TMEM108: variants seen among roughly 807,000 people sequenced by gnomAD.
TMEM108 encodes the protein cancer/testis antigen 124.
In TMEM108, 12 loss-of-function variants were observed where a neutral mutation model predicts 35.1. The ratio of observed to expected loss-of-function variants is 0.34; its 90% CI spans 0.22 to 0.55. TMEM108 has a LOEUF of 0.55. TMEM108 is among the 20% of genes least tolerant of loss of function. TMEM108 has a pLI of 0.89. For synonymous variants in TMEM108, 287 were observed against 308.6 expected (o/e 0.93, Z 0.73); for missense variants, 680 against 753.3 (o/e 0.90, Z 1.14).
intron 2 of TMEM108, among the ~76,000 whole-genome samples, chr3:133,126,568 T>C (rs79380341): frequency 0.013 from 1,939 of 151,310 alleles, 21 homozygotes; most frequent in Non-Finnish European, 0.021. Flanking sequence ...AAACCTCAAG[T>C]ATGAGCTTTA....
rs1576532411 is a variant in TMEM108, at chr3:133,380,489, A to T, written c.778A>T (p.Ser260Cys). The T allele has an allele frequency of 6.2e-7, 1 of 1,613,916 alleles. No individual in the cohort carries two copies. The highest frequency in any genetic ancestry group is 2.2e-5 in the East Asian group (1 of 44,876). Residue 260 changes from serine to cysteine, a missense_variant, in exon 4 of 6, where the codon AGC becomes TGC. By Grantham distance (112) the Ser-to-Cys change is moderately radical (BLOSUM62 -1). Transcript: ENST00000321871. This position sits in a 1 kb window ranked among gnomAD's most constrained non-coding sequence, Gnocchi z 5.3. The stretch of plus-strand genomic sequence containing the variant: ...GACAGTGGCTGCGACCACAGTGCCC[A>T]GCAATACCTCATGGGCACCCACCAC... ...PQTVAATTVP[S>C]NTSWAPTTTS...
intron 2 of TMEM108, among the ~76,000 whole-genome samples, chr3:133,095,900 T>C (rs1226600900): frequency 6.6e-6 from 1 of 152,192 alleles, no homozygotes; most frequent in Non-Finnish European, 1.5e-5. Flanking sequence ...ACCCCTGCCA[T>C]AGAACACTTA....
intron 3 of TMEM108, among the ~76,000 whole-genome samples, chr3:133,266,969 A>G (rs1274241355): frequency 2.0e-5 from 3 of 149,864 alleles, no homozygotes; most frequent in Non-Finnish European, 4.4e-5. Context: ...AGACCCAGCT[A>G]CTCGGGAGGC....
intron 2 of TMEM108, among the ~76,000 whole-genome samples, chr3:133,092,883 TG>T (rs1327000094): frequency 3.3e-5 from 5 of 152,152 alleles, no homozygotes; most frequent in African/African-American, 7.2e-5. Flanking sequence ...AACAAAGCTG[TG>T]TAATCATCTA....
intron 2 of TMEM108, among the ~76,000 whole-genome samples, chr3:133,101,154 T>G (rs1375898): frequency 0.22 from 33,012 of 152,108 alleles, 4,359 homozygotes; most frequent in Non-Finnish European, 0.3. Context: ...TATGTGAAAA[T>G]TTCTAGTTAT....
chr3:133,380,413 C>G lies in TMEM108; in HGVS notation c.702C>G (p.Thr234=), dbSNP rs2072974407. Residue 234 remains threonine (T), a synonymous_variant, in exon 4 of 6, where the codon ACC becomes ACG. Coordinates refer to ENST00000321871, the MANE Select transcript of TMEM108 (RefSeq NM_023943.4). This position sits in a 1 kb window ranked among gnomAD's most constrained non-coding sequence, Gnocchi z 5.3. ...GGTCTGTGGAACCGGAGCCCTCTAC[C>G]CTCACCCCCAGGACCCCACTCTGGG... The part of the protein sequence containing the change: ...FTGSVEPEPS[T]LTPRTPLWGY... 6.2e-7 allele frequency: 1 copy of G among 1,613,710 alleles called. No homozygotes were observed. Among genetic ancestry groups the G allele is most frequent in the East Asian group, 2.2e-5 (1 of 44,848 alleles).
chr3:133,075,088 C>A (rs1164556252), intron 2 of TMEM108, among the ~76,000 whole-genome samples: 1 of 152,200 alleles, frequency 6.6e-6, no homozygotes, highest in Non-Finnish European at 1.5e-5. Context: ...CGTCTCTTTG[C>A]TGTGCTTCTC....
At chr3:133,089,460 A>C (rs1358215650) in intron 2 of TMEM108, among the ~76,000 whole-genome samples, 1 of 152,186 alleles carries the variant, frequency 6.6e-6, no homozygotes, top group African/African-American at 2.4e-5. Flanking sequence ...TAGTTAATTC[A>C]TTTTTGATAG....
At chr3:133,062,100 GA>G (rs1177701357) in intron 2 of TMEM108, among the ~76,000 whole-genome samples, 1 of 152,244 alleles carries the variant, frequency 6.6e-6, no homozygotes, top group Non-Finnish European at 1.5e-5. Flanking sequence ...GAAAGTCCAA[GA>G]ATGCATTTTC....
intron 2 of TMEM108, among the ~76,000 whole-genome samples, chr3:133,090,406 T>G (rs1943933693): frequency 6.6e-6 from 1 of 152,234 alleles, no homozygotes; most frequent in South Asian, 2.1e-4. Context: ...AACTATTACA[T>G]AGCTGCTGTA....
intron 3 of TMEM108, among the ~76,000 whole-genome samples, chr3:133,285,847 G>A (rs970172067): frequency 9.9e-5 from 15 of 152,124 alleles, no homozygotes; most frequent in African/African-American, 3.4e-4. Context: ...CTGGCCCTTG[G>A]ATATGTTTAT....
At chr3:133,061,744 C>T (rs752508948) in intron 2 of TMEM108, among the ~76,000 whole-genome samples, 3 of 152,082 alleles carry the variant, frequency 2.0e-5, no homozygotes, top group Non-Finnish European at 2.9e-5. Context: ...AATTTCAAGG[C>T]TATATGTTAC....
At chr3:133,114,203 G>C (rs1338963083) in intron 2 of TMEM108, among the ~76,000 whole-genome samples, 2 of 152,132 alleles carry the variant, frequency 1.3e-5, no homozygotes, top group African/African-American at 4.8e-5. Context: ...CAGAACTGCT[G>C]GGATGATGTA....
intron 2 of TMEM108, among the ~76,000 whole-genome samples, chr3:133,115,580 G>A (rs909411161): frequency 2.6e-5 from 4 of 152,240 alleles, no homozygotes; most frequent in Admixed American, 6.5e-5. Context: ...AGAAATAAAG[G>A]GAGGAACCAG....
intron 2 of TMEM108, among the ~76,000 whole-genome samples, chr3:133,145,215 T>G (rs923623919): frequency 6.6e-6 from 1 of 152,208 alleles, no homozygotes; most frequent in Non-Finnish European, 1.5e-5. Context: ...TGTTATTAAA[T>G]AGGAAATCCT....
intron 2 of TMEM108, among the ~76,000 whole-genome samples, chr3:133,191,673 A>G (rs577961095): frequency 6.6e-6 from 1 of 152,236 alleles, no homozygotes; most frequent in East Asian, 1.9e-4. Flanking sequence ...TCTCCTTCCC[A>G]ACTTCCTGCT....
At chr3:133,051,388 GT>G (rs1297102833) in intron 2 of TMEM108, among the ~76,000 whole-genome samples, 2 of 152,026 alleles carry the variant, frequency 1.3e-5, no homozygotes, top group African/African-American at 2.4e-5. Flanking sequence ...CGACTTTTAA[GT>G]TTTTTATAGA....
At chr3:133,084,760 C>G (rs1345539744) in intron 2 of TMEM108, among the ~76,000 whole-genome samples, 1 of 152,146 alleles carries the variant, frequency 6.6e-6, no homozygotes, top group African/African-American at 2.4e-5. Flanking sequence ...ACCTGAGGTA[C>G]AAGGAAGTTA....
At chr3:133,200,553 C>T (rs1945647967) in intron 2 of TMEM108, among the ~76,000 whole-genome samples, 2 of 152,156 alleles carry the variant, frequency 1.3e-5, no homozygotes, top group African/African-American at 4.8e-5. Flanking sequence ...GAATCTGAAA[C>T]CCAATCCTCC....
Sources: allele counts gnomAD v4.1 joint callset (sites outside exome capture counted in the v4.1 genomes callset), GRCh38; gene constraint gnomAD v4.1.1; non-coding constraint Gnocchi (gnomAD v3.1); transcripts MANE v1.5; gene names NCBI Gene and HGNC (gene_info 2026-07-23, HGNC 2026-07-21).